The following AGTRAP variants were observed in gnomAD, a reference collection of about 807,000 sequenced individuals.
AGTRAP encodes the protein type-1 angiotensin II receptor-associated protein.
A neutral mutation model predicts 15.2 loss-of-function variants in AGTRAP; 7 were observed. That is an observed-to-expected ratio of 0.46 (90% confidence interval 0.26 to 0.87). The LOEUF (loss-of-function observed/expected upper bound fraction) is 0.87, where lower values mean the gene tolerates loss of function less well. AGTRAP is among the 40% of genes least tolerant of loss of function. The pLI is 0.15. For missense variants in AGTRAP, 187 were observed against 213.4 expected (o/e 0.88, Z 0.77); for synonymous variants, 74 against 89.6 (o/e 0.83, Z 0.98).
chr1:11,748,624 C>G lies in AGTRAP; in HGVS notation c.364+14C>G, dbSNP rs1042939462. On this transcript the variant is annotated intron_variant, in intron 4 of 4. Coordinates refer to ENST00000314340, the MANE Select transcript of AGTRAP (RefSeq NM_020350.5). ...TGGTCCACACTGGTGAGGCCACCAC[C>G]TCCAGCCAGCTCCTCACCGCTCCCT... 11 of 1,598,760 alleles carry G rather than the reference C, an allele frequency of 6.9e-6. No individual in the cohort carries two copies. Among genetic ancestry groups the G allele is most frequent in the Non-Finnish European group, 8.5e-6 (10 of 1,176,350 alleles).
intron 2 of AGTRAP, among the ~76,000 whole-genome samples, chr1:11,746,923 G>GGAA (rs1292030964): frequency 2.6e-5 from 4 of 152,118 alleles, no homozygotes; most frequent in Admixed American, 6.6e-5. Context: ...GGTGGGCAAG[G>GGAA]GAAGGAGTCT....
At chr1:11,742,761 G>A (rs1052308081) in intron 1 of AGTRAP, among the ~76,000 whole-genome samples, 1 of 152,100 alleles carries the variant, frequency 6.6e-6, no homozygotes, top group Non-Finnish European at 1.5e-5. Flanking sequence ...GAACTCCTGG[G>A]CTCAAGCAGT....
intron 1 of AGTRAP, among the ~76,000 whole-genome samples, chr1:11,743,161 G>A (rs562047215): frequency 7.9e-5 from 12 of 152,060 alleles, no homozygotes; most frequent in South Asian, 2.1e-4. Flanking sequence ...GCCGAGCCCC[G>A]CTCATACATT....
Position 11,736,188 on chromosome 1 carries a change from G to A in AGTRAP, c.-21G>A. On this transcript the variant is annotated 5_prime_UTR_variant, in exon 1 of 5. The change creates a new upstream start codon in the 5' untranslated region. Coordinates refer to ENST00000314340, the MANE Select transcript of AGTRAP (RefSeq NM_020350.5). ...GGAGCCCCCCGCGGCTGCGGCGCAG[G>A]TGCCCTCGGCCTGAGTCGGGATGGA... 3 of 1,600,460 alleles carry A rather than the reference G, an allele frequency of 1.9e-6. No individual in the cohort carries two copies. The highest frequency in any genetic ancestry group is 2.3e-5 in the South Asian group (2 of 88,438).
chr1:11,746,364 A>G, intron 2 of AGTRAP: 2 of 705,602 alleles, frequency 2.8e-6, no homozygotes, highest in East Asian at 2.7e-5. Context: ...CTTAAAAGCA[A>G]AAGATAAGAT....
In AGTRAP at chr1:11,745,696, A is replaced by G; in HGVS notation, c.28-107A>G. 2 of 1,206,990 alleles carry G rather than the reference A, an allele frequency of 1.7e-6. No individual in the cohort carries two copies. The highest frequency in any genetic ancestry group is 2.5e-6 in the Non-Finnish European group (2 of 811,484). 74.8% of individuals were successfully genotyped at this position (1,206,990 alleles called of 1,614,324 possible). A position where few individuals can be genotyped will look rare whatever the true frequency, so the allele number is the denominator to read the frequency against. On this transcript the variant is annotated intron_variant, in intron 1 of 4. Coordinates refer to ENST00000314340, the MANE Select transcript of AGTRAP (RefSeq NM_020350.5). This position sits in a 1 kb window ranked among gnomAD's most constrained non-coding sequence, Gnocchi z 4.2. ...TTCAACAGACATTACTGAGGCCCTC[A>G]GAGGTGCCAGGCGCAGGGGCGTCCT...
chr1:11,746,031 G>A, intron 2 of AGTRAP, 194 bp downstream of exon 2: 2 of 1,363,330 alleles, frequency 1.5e-6, no homozygotes, highest in Non-Finnish European at 2.1e-6. Flanking sequence ...GGGAGACGTG[G>A]AAGTGCTCAT....
rs61585088 is a variant in AGTRAP, at chr1:11,745,975, G to A, written c.62+138G>A. 2,684 of 1,371,310 alleles carry A rather than the reference G, an allele frequency of 2.0e-3. 26 individuals carry two copies. The East Asian group carries it at 0.02, about 10-fold the overall frequency. 84.9% of individuals were successfully genotyped at this position (1,371,310 alleles called of 1,614,324 possible). ...TCTGCCTCTCCGGGTCTTGATTTCC[G>A]TCTGTACAATAGGCATAAGGATTGC... is the stretch of plus-strand genomic sequence containing the variant. On this transcript the variant is annotated intron_variant, in intron 2 of 4. Transcript: ENST00000314340. The surrounding 1 kb of genome is among the most constrained non-coding windows in gnomAD (Gnocchi z 4.2).
intron 1 of AGTRAP, among the ~76,000 whole-genome samples, chr1:11,740,556 G>A (rs891042847): frequency 6.6e-6 from 1 of 151,880 alleles, no homozygotes; most frequent in African/African-American, 2.4e-5. Context: ...TGTGGGCCCA[G>A]CTGGGTGCTC....
intron 1 of AGTRAP, chr1:11,744,399 T>C (rs927277017): frequency 3.6e-6 from 2 of 562,230 alleles, no homozygotes; most frequent in African/African-American, 3.8e-5. Flanking sequence ...GTCTCAGTGG[T>C]GTCCCTCGTT....
chr1:11,746,629 C>T (rs1027412138), intron 2 of AGTRAP: 5 of 176,874 alleles, frequency 2.8e-5, no homozygotes, highest in Non-Finnish European at 6.1e-5. Context: ...CCCCACTGCT[C>T]AGCAACTGTG....
At position 11,738,902 on chromosome 1, in the gene AGTRAP, TG is replaced by T. The variant is rs938640173; in HGVS notation, c.27+2670del. 7.7e-4 allele frequency among the ~76,000 whole-genome samples: 117 copies of T among 152,328 alleles called. 1 individual carries two copies. The highest frequency in any genetic ancestry group is 2.7e-3 in the African/African-American group (114 of 41,570). On this transcript the variant is annotated intron_variant, in intron 1 of 4. Coordinates refer to ENST00000314340, the MANE Select transcript of AGTRAP (RefSeq NM_020350.5). ...GACTGGTAGGAGTTTATTCCATTTCTGGGAAGTCCTACCCCGCCATGGGTCC... is the reference window on the plus strand; with the variant it reads ...GACTGGTAGGAGTTTATTCCATTTCTGGAAGTCCTACCCCGCCATGGGTCC...
intron 2 of AGTRAP, chr1:11,746,741 T>C (rs1642173763): frequency 6.3e-6 from 1 of 159,056 alleles, no homozygotes; most frequent in African/African-American, 2.4e-5. Flanking sequence ...AACATAAATG[T>C]ACATGAATGA....
intron 1 of AGTRAP, among the ~76,000 whole-genome samples, chr1:11,739,674 CCAT>C (rs1280565565): frequency 6.6e-6 from 1 of 152,202 alleles, no homozygotes; most frequent in East Asian, 1.9e-4. Context: ...CAGTTCTACC[CCAT>C]ACAGTTACAC....
At position 11,745,695 on chromosome 1, in the gene AGTRAP, CAG is replaced by C; in HGVS notation, c.28-105_28-104del. The C allele has an allele frequency of 8.3e-7, 1 of 1,204,028 alleles. No individual in the cohort carries two copies. Among genetic ancestry groups the C allele is most frequent in the Non-Finnish European group, 1.2e-6 (1 of 808,916 alleles). The allele number at this position is 1,204,028 out of a possible 1,614,324, so 74.6% of individuals were successfully genotyped here. On this transcript the variant is annotated intron_variant, in intron 1 of 4. Transcript: ENST00000314340. This position sits in a 1 kb window ranked among gnomAD's most constrained non-coding sequence, Gnocchi z 4.2. ...TTTCAACAGACATTACTGAGGCCCT[CAG>C]AGGTGCCAGGCGCAGGGGCGTCCTG...
intron 1 of AGTRAP, among the ~76,000 whole-genome samples, chr1:11,743,452 G>A (rs1570342055): frequency 2.0e-5 from 3 of 152,046 alleles, no homozygotes; most frequent in Middle Eastern, 6.9e-3. Context: ...CGCCATGTTA[G>A]CCAGGCTGGT....
At chr1:11,742,138 G>A (rs896850861) in intron 1 of AGTRAP, among the ~76,000 whole-genome samples, 1 of 152,218 alleles carries the variant, frequency 6.6e-6, no homozygotes, top group African/African-American at 2.4e-5. Context: ...GGGGAGGTTG[G>A]GTGCACTGGT....
rs12064912 is a variant in AGTRAP, at chr1:11,750,715, A to G, written c.*523A>G. 2,651 of 190,028 alleles carry G rather than the reference A, an allele frequency of 0.014. 71 individuals carry two copies. Among genetic ancestry groups the G allele is most frequent in the African/African-American group, 0.059 (2,525 of 42,886 alleles). 11.8% of individuals were successfully genotyped at this position (190,028 alleles called of 1,614,324 possible). On this transcript the variant is annotated 3_prime_UTR_variant, in exon 5 of 5. Transcript: ENST00000314340. ...GGTGTCAGCAACACTGTGTCCCACCACAACCTCCAGCCTCCCTTTTCAGAG... is the reference window on the plus strand; with the variant it reads ...GGTGTCAGCAACACTGTGTCCCACCGCAACCTCCAGCCTCCCTTTTCAGAG...
At chr1:11,736,542 C>CG (rs930809389) in intron 1 of AGTRAP, among the ~76,000 whole-genome samples, 5 of 152,176 alleles carry the variant, frequency 3.3e-5, no homozygotes, top group Non-Finnish European at 5.9e-5. Context: ...GTTGCCTGCA[C>CG]GCCCAGAATT....
Sources: gnomAD v4.1 joint callset for allele counts (sites outside exome capture counted in the v4.1 genomes callset) on GRCh38, gnomAD v4.1.1 for gene constraint, Gnocchi (gnomAD v3.1) non-coding constraint, MANE v1.5 for transcripts, NCBI Gene and HGNC (gene_info 2026-07-23, HGNC 2026-07-21) for gene names.